USP6NL: variants seen among roughly 807,000 people sequenced by gnomAD.
USP6NL encodes USP6 N-terminal-like protein.
In USP6NL, 26 loss-of-function variants were observed where a neutral mutation model predicts 61.9. That is an observed-to-expected ratio of 0.42 (90% CI 0.31 to 0.58). The LOEUF (loss-of-function observed/expected upper bound fraction) is 0.58. Among genes scored for constraint, USP6NL ranks in the 20% least tolerant of loss-of-function variants. The probability of loss-of-function intolerance (pLI) is 0.16; values close to 1 mark genes in which losing one functional copy is unlikely to be tolerated. For synonymous variants in USP6NL, 432 were observed against 390.1 expected (o/e 1.11, Z -1.27); for missense variants, 1,114 against 1,034.3 (o/e 1.08, Z -1.06).
rs2077739936 is a variant in USP6NL, at chr10:11,482,146, G to A, written c.926-224C>T. 1.3e-5 allele frequency among the ~76,000 whole-genome samples: 2 copies of A among 152,084 alleles called. No individual in the cohort carries two copies. Among genetic ancestry groups the A allele is most frequent in the South Asian group, 4.2e-4 (2 of 4,804 alleles). ...AGCAGGAAAGTTTACTGGGAGAAAG[G>A]ATGGGAGGAGAATACTGCCTAATAC... On this transcript the variant is annotated intron_variant, in intron 13 of 14. Transcript: ENST00000609104. The surrounding 1 kb of genome is among the most constrained non-coding windows in gnomAD (Gnocchi z 4.0).
chr10:11,503,709 GTTTTA>G (rs549851773), intron 6 of USP6NL, among the ~76,000 whole-genome samples: 369 of 152,248 alleles, frequency 2.4e-3, no homozygotes, highest in Non-Finnish European at 3.8e-3. Context: ...TAGTTAATCT[GTTTTA>G]TTTTATCCCT....
At position 11,462,235 on chromosome 10, in the gene USP6NL, C is replaced by T; in HGVS notation, c.*206G>A. 2 of 579,620 alleles carry T rather than the reference C, an allele frequency of 3.5e-6. No homozygotes were observed. The highest frequency in any genetic ancestry group is 3.0e-5 in the East Asian group (1 of 33,754). The allele number at this position is 579,620 out of a possible 1,614,324, so 35.9% of individuals were successfully genotyped here. ...GCGATGTTTCCGGGTTAAATTCTAA[C>T]AGGTCAGTGATGATGCAATTGAAAC... On this transcript the variant is annotated 3_prime_UTR_variant, in exon 15 of 15. Coordinates refer to ENST00000609104, the MANE Select transcript of USP6NL (RefSeq NM_014688.5).
chr10:11,556,101 A>G (rs1483014667), intron 2 of USP6NL, among the ~76,000 whole-genome samples: 2 of 152,200 alleles, frequency 1.3e-5, no homozygotes, highest in African/African-American at 4.8e-5. Context: ...TACTAAACAC[A>G]TGGGGTTTAC....
chr10:11,586,573 A>AT (rs1837972644), intron 2 of USP6NL, among the ~76,000 whole-genome samples: 1 of 152,186 alleles, frequency 6.6e-6, no homozygotes, highest in Non-Finnish European at 1.5e-5. Flanking sequence ...ATAAAAATAT[A>AT]TAGTATCTAA....
chr10:11,515,974 C>A (rs1356695019), intron 5 of USP6NL, among the ~76,000 whole-genome samples: 1 of 152,110 alleles, frequency 6.6e-6, no homozygotes, highest in Non-Finnish European at 1.5e-5. Context: ...CAAAAGATTG[C>A]ACTACATGAA....
intron 2 of USP6NL, among the ~76,000 whole-genome samples, chr10:11,557,003 C>T (rs1348742769): frequency 6.6e-6 from 1 of 152,142 alleles, no homozygotes; most frequent in Non-Finnish European, 1.5e-5. Flanking sequence ...CTTTGGATCA[C>T]AGAGAATTTC....
At chr10:11,483,877 G>GA (rs1566124821) in intron 13 of USP6NL, among the ~76,000 whole-genome samples, 2 of 152,004 alleles carry the variant, frequency 1.3e-5, no homozygotes, top group Admixed American at 6.5e-5. Flanking sequence ...TCCTTTTCTT[G>GA]AAAAAACTAA....
intron 2 of USP6NL, among the ~76,000 whole-genome samples, chr10:11,541,265 A>ATATATATATATG (rs1395359947): frequency 7.5e-6 from 1 of 133,336 alleles, no homozygotes; most frequent in Non-Finnish European, 1.6e-5. Context: ...ATATATATAT[A>ATATATATATATG]TATATATATA....
chr10:11,545,711 T>C (rs1227597565), intron 2 of USP6NL, among the ~76,000 whole-genome samples: 1 of 148,698 alleles, frequency 6.7e-6, no homozygotes, highest in African/African-American at 2.4e-5. Context: ...TCAATGTACC[T>C]ACCAGATGAG....
intron 2 of USP6NL, among the ~76,000 whole-genome samples, chr10:11,530,673 G>A (rs1835622779): frequency 6.6e-6 from 1 of 152,160 alleles, no homozygotes; most frequent in South Asian, 2.1e-4. Flanking sequence ...TGAATTTAAA[G>A]CTAAATGCAT....
intron 14 of USP6NL, among the ~76,000 whole-genome samples, chr10:11,472,679 G>A (rs1433678269): frequency 3.3e-5 from 5 of 152,174 alleles, no homozygotes; most frequent in Non-Finnish European, 5.9e-5. Flanking sequence ...TATATTTAAT[G>A]TAATATTAGC....
chr10:11,571,659 A>T (rs184860490), intron 2 of USP6NL, among the ~76,000 whole-genome samples: 1,823 of 151,392 alleles, frequency 0.012, 39 homozygotes, highest in African/African-American at 0.039. Flanking sequence ...TTTTTTTTTT[A>T]AATTCTCTTC....
intron 2 of USP6NL, among the ~76,000 whole-genome samples, chr10:11,543,805 T>G (rs1566170171): frequency 9.1e-5 from 10 of 110,144 alleles, no homozygotes; most frequent in African/African-American, 2.9e-4. Context: ...ATATTTAGGT[T>G]TTTTTTTTTT....
In USP6NL at chr10:11,462,470, GC is replaced by G. The variant is rs780040734; in HGVS notation, c.2457del (p.Leu820PhefsTer12). The G allele has an allele frequency of 1.2e-6, 2 of 1,613,650 alleles. No homozygotes were observed. On this transcript the variant is annotated frameshift_variant, in exon 15 of 15. Coordinates refer to ENST00000609104, the MANE Select transcript of USP6NL (RefSeq NM_014688.5). LOFTEE classifies it high-confidence loss of function. ...PPAYHYRNRD[G>X]LSIQESVLL ...AGCAACACTGACTCTTGGATGGAAA[GC>G]CCGTCCCGATTCCTGTAGTGGTAGG...
rs1246960689 is a variant in USP6NL, at chr10:11,463,500, A to G, written c.1428T>C (p.Thr476=). Residue 476 remains threonine, a synonymous_variant, in exon 15 of 15, where the codon ACT becomes ACC. Transcript: ENST00000609104. This position sits in a 1 kb window ranked among gnomAD's most constrained non-coding sequence, Gnocchi z 6.3. ...GCACAAACTCCTTCCTGATATTTGA[A>G]GTGGCGTTGCTATTTTGGTTGGCAG... is the stretch of plus-strand genomic sequence containing the variant. ...HAAANQNSNA[T]SNIRKEFVPK... 3 of 1,613,988 alleles carry G rather than the reference A, an allele frequency of 1.9e-6. No individual in the cohort carries two copies. Among genetic ancestry groups the G allele is most frequent in the Non-Finnish European group, 2.5e-6 (3 of 1,179,890 alleles).
chr10:11,497,089 C>G (rs1012435361), intron 7 of USP6NL, among the ~76,000 whole-genome samples: 20 of 119,174 alleles, frequency 1.7e-4, no homozygotes, highest in Non-Finnish European at 2.0e-4. Context: ...TTGTTCTCTT[C>G]CATCTTTTTT....
At chr10:11,547,628 C>T (rs926732337) in intron 2 of USP6NL, among the ~76,000 whole-genome samples, 1 of 152,022 alleles carries the variant, frequency 6.6e-6, no homozygotes, top group Non-Finnish European at 1.5e-5. Context: ...CAAGCTCCGC[C>T]TCCCGGGGTT....
At position 11,489,626 on chromosome 10, in the gene USP6NL, C is replaced by T. The variant is rs1405819727; in HGVS notation, c.544-404G>A. ...TCCTCTAGATTTCTGAACCCTTAAG[C>T]AGACACATCTTGGGATGCCCATGCA... On this transcript the variant is annotated intron_variant, in intron 9 of 14. Coordinates refer to ENST00000609104, the MANE Select transcript of USP6NL (RefSeq NM_014688.5). This position sits in a 1 kb window ranked among gnomAD's most constrained non-coding sequence, Gnocchi z 5.7. Among the ~76,000 whole-genome samples, 1 of 152,196 alleles carries T rather than the reference C, an allele frequency of 6.6e-6. No homozygotes were observed. The highest frequency in any genetic ancestry group is 1.5e-5 in the Non-Finnish European group (1 of 68,048).
At chr10:11,471,243 T>G (rs10508422) in intron 14 of USP6NL, among the ~76,000 whole-genome samples, 1 of 151,646 alleles carries the variant, frequency 6.6e-6, no homozygotes, top group African/African-American at 2.4e-5. Context: ...CACATAGGAA[T>G]TGGAATAAAG....
Sources: allele counts gnomAD v4.1 joint callset (sites outside exome capture counted in the v4.1 genomes callset), GRCh38; gene constraint gnomAD v4.1.1; non-coding constraint Gnocchi (gnomAD v3.1); transcripts MANE v1.5; gene names NCBI Gene and HGNC (gene_info 2026-07-23, HGNC 2026-07-21).